Variants in DNAJC1 observed in about 807,000 individuals in gnomAD.
DNAJC1 encodes the protein DnaJ heat shock protein family (Hsp40) member C1, also known as dnaJ homolog subfamily C member 1.
DNAJC1 carries 58 observed loss-of-function variants against 76.6 expected under a neutral mutation model. That is an observed-to-expected ratio of 0.76 (90% CI 0.61 to 0.94). The LOEUF (loss-of-function observed/expected upper bound fraction) is 0.94, where lower values mean the gene tolerates loss of function less well. Ranked by LOEUF, DNAJC1 falls within the 40% of genes least tolerant of loss-of-function variation. The probability of loss-of-function intolerance (pLI) is 0.00; values close to 1 mark genes in which losing one functional copy is unlikely to be tolerated. For missense variants in DNAJC1, 689 were observed against 677.3 expected (o/e 1.02, Z -0.19); for synonymous variants, 258 against 267.9 (o/e 0.96, Z 0.36).
intron 9 of DNAJC1, among the ~76,000 whole-genome samples, chr10:21,782,125 C>G (rs765280821): frequency 6.6e-6 from 1 of 151,942 alleles, no homozygotes; most frequent in Non-Finnish European, 1.5e-5. Flanking sequence ...TTGAAAAGAT[C>G]AACAAAATTG....
At chr10:21,790,011 A>T (rs12784002) in intron 9 of DNAJC1, among the ~76,000 whole-genome samples, 73 of 4,762 alleles carry the variant, frequency 0.015, 1 homozygote, top group African/African-American at 0.067. Flanking sequence ...CTCTGTCTTT[A>T]AAAAAAAAAA....
At chr10:21,961,033 C>T (rs1220889849) in intron 1 of DNAJC1, among the ~76,000 whole-genome samples, 1 of 152,170 alleles carries the variant, frequency 6.6e-6, no homozygotes, top group East Asian at 1.9e-4. Flanking sequence ...ACAATATATA[C>T]CACTTCACAA....
intron 8 of DNAJC1, among the ~76,000 whole-genome samples, chr10:21,878,404 C>CT (rs1184799708): frequency 6.6e-6 from 1 of 152,188 alleles, no homozygotes; most frequent in Non-Finnish European, 1.5e-5. Flanking sequence ...CTGTGTGCTA[C>CT]AGTTGATTTT....
chr10:21,933,626 T>G (rs1837261522), intron 1 of DNAJC1, among the ~76,000 whole-genome samples: 3 of 152,194 alleles, frequency 2.0e-5, no homozygotes, highest in Non-Finnish European at 4.4e-5. Context: ...CCCCAAGATA[T>G]ACACAGTCTA....
intron 8 of DNAJC1, among the ~76,000 whole-genome samples, chr10:21,842,576 G>A (rs374287705): frequency 6.6e-6 from 1 of 152,216 alleles, no homozygotes; most frequent in East Asian, 1.9e-4. Context: ...GCCATCTTAT[G>A]GCAAGGTCCT....
At chr10:21,823,079 A>G (rs1452550390) in intron 8 of DNAJC1, among the ~76,000 whole-genome samples, 1 of 152,164 alleles carries the variant, frequency 6.6e-6, no homozygotes, top group Non-Finnish European at 1.5e-5. Flanking sequence ...AGTAATTTGT[A>G]AATCATGACA....
intron 6 of DNAJC1, among the ~76,000 whole-genome samples, chr10:21,907,742 C>T (rs998795239): frequency 6.6e-6 from 1 of 151,162 alleles, no homozygotes; most frequent in African/African-American, 2.4e-5. Context: ...TTCGGGAAGC[C>T]CAGGTGGGCG....
intron 1 of DNAJC1, among the ~76,000 whole-genome samples, chr10:21,991,035 A>G (rs1564847005): frequency 6.6e-6 from 1 of 152,226 alleles, no homozygotes; most frequent in African/African-American, 2.4e-5. Flanking sequence ...TATTATAAAG[A>G]GCCAACAGAT....
intron 1 of DNAJC1, among the ~76,000 whole-genome samples, chr10:21,969,788 T>C (rs1375935882): frequency 6.6e-6 from 1 of 152,200 alleles, no homozygotes; most frequent in African/African-American, 2.4e-5. Flanking sequence ...CACCTTATGA[T>C]TGGTATTATA....
At chr10:22,002,761 T>G (rs1212449928) in intron 1 of DNAJC1, among the ~76,000 whole-genome samples, 1 of 151,066 alleles carries the variant, frequency 6.6e-6, no homozygotes, top group African/African-American at 2.4e-5. Context: ...AGAATAAGGA[T>G]GAGGTAAGTA....
Position 21,883,251 on chromosome 10 carries a change from AAC to A in DNAJC1, c.821-814_821-813del, listed in dbSNP as rs3032395. Among the ~76,000 whole-genome samples the A allele has an allele frequency of 8.4e-3, 1,081 of 128,988 alleles. 7 individuals are homozygous for A. The highest frequency in any genetic ancestry group is 0.016 in the African/African-American group (569 of 35,270). The allele number at this position is 128,988 out of a possible 152,430, so 84.6% of individuals were successfully genotyped here. A position where few individuals can be genotyped will look rare whatever the true frequency, so the allele number is the denominator to read the frequency against. Reference sequence around the variant, plus strand: ...GGTGACAGAGTGAGATTCTATCTCAAACACACACACACACACACACACACACA... The same window carrying A: ...GGTGACAGAGTGAGATTCTATCTCAAACACACACACACACACACACACACA... On this transcript the variant is annotated intron_variant, in intron 7 of 11. Transcript: ENST00000376980.
intron 9 of DNAJC1, among the ~76,000 whole-genome samples, chr10:21,770,170 A>G: frequency 6.6e-6 from 1 of 151,964 alleles, no homozygotes; most frequent in Admixed American, 6.6e-5. Flanking sequence ...GACCTCCACC[A>G]CCTGCACTAG....
intron 9 of DNAJC1, among the ~76,000 whole-genome samples, chr10:21,794,033 G>C (rs1289304430): frequency 2.0e-5 from 3 of 152,166 alleles, no homozygotes; most frequent in African/African-American, 7.2e-5. Flanking sequence ...CCAACACTTT[G>C]GGAGGCTGAG....
At chr10:21,778,266 A>G (rs942872900) in intron 9 of DNAJC1, among the ~76,000 whole-genome samples, 10 of 152,184 alleles carry the variant, frequency 6.6e-5, no homozygotes, top group South Asian at 2.1e-4. Flanking sequence ...GAGGACCTGC[A>G]AAGTCATATA....
At chr10:21,842,967 C>T (rs1835597406) in intron 8 of DNAJC1, among the ~76,000 whole-genome samples, 1 of 152,086 alleles carries the variant, frequency 6.6e-6, no homozygotes, top group African/African-American at 2.4e-5. Flanking sequence ...TAGTAGTCAA[C>T]AGATTTCTTA....
rs1834298707 is a variant in DNAJC1 at position 21,766,263 on chromosome 10, G to A, written c.1145C>T (p.Pro382Leu). 2 of 1,611,280 alleles carry A rather than the reference G, an allele frequency of 1.2e-6. No homozygotes were observed. Among genetic ancestry groups the A allele is most frequent in the African/African-American group, 1.3e-5 (1 of 74,856 alleles). ...AGATAGAGGAAGTATGAACTCACCT[G>A]GGGAGCAGGTCACTGAATCCTTCAG... ...KQLKDSVTCS[P>L]GMVRLSELKS... The change falls in exon 10 of 12, where the codon CCA (proline) becomes CTA (leucine). Residue 382 changes from proline to leucine, a missense_variant and splice_region_variant. By Grantham distance (98) the Pro-to-Leu change is moderately conservative. Transcript: ENST00000376980.
intron 8 of DNAJC1, among the ~76,000 whole-genome samples, chr10:21,872,985 C>G (rs1836127492): frequency 6.6e-6 from 1 of 152,130 alleles, no homozygotes; most frequent in African/African-American, 2.4e-5. Context: ...AAGAACGACC[C>G]CTGACCTAAC....
intron 10 of DNAJC1, among the ~76,000 whole-genome samples, chr10:21,760,857 G>A (rs1413476988): frequency 6.6e-6 from 1 of 152,150 alleles, no homozygotes; most frequent in Non-Finnish European, 1.5e-5. Context: ...AATTACAGAT[G>A]TATATACAAA....
rs575116555 is a variant in DNAJC1 at position 21,869,844 on chromosome 10, C to G, written c.978+12438G>C. Among the ~76,000 whole-genome samples the G allele has an allele frequency of 2.0e-4, 30 of 152,072 alleles. No individual in the cohort carries two copies. In the South Asian group the frequency reaches 6.2e-3, roughly 32 times the overall value. ...TGTACTACAGTTACAAAAGATGTAA[C>G]CATTAGGAAAAACTGGGTGACAGGT... On this transcript the variant is annotated intron_variant, in intron 8 of 11. Transcript: ENST00000376980.
Sources: allele counts gnomAD v4.1 joint callset (sites outside exome capture counted in the v4.1 genomes callset), GRCh38; gene constraint gnomAD v4.1.1; transcripts MANE v1.5; gene names NCBI Gene and HGNC (gene_info 2026-07-23, HGNC 2026-07-21).